Variants in CEP57 observed in about 807,000 individuals in gnomAD.
CEP57 encodes the protein centrosomal protein of 57 kDa.
A neutral mutation model predicts 68.0 loss-of-function variants in CEP57; 40 were observed. That is an observed-to-expected ratio of 0.59 (90% CI 0.46 to 0.77). The LOEUF (loss-of-function observed/expected upper bound fraction) is 0.77, where lower values mean the gene tolerates loss of function less well. Among genes scored for constraint, CEP57 ranks in the 30% least tolerant of loss-of-function variants. The pLI is 0.00. For missense variants in CEP57, 606 were observed against 580.7 expected (o/e 1.04, Z -0.45); for synonymous variants, 219 against 198.7 (o/e 1.10, Z -0.86).
chr11:95,791,335 A>G (rs1861063488), intron 1 of CEP57, among the ~76,000 whole-genome samples: 1 of 152,158 alleles, frequency 6.6e-6, no homozygotes, highest in African/African-American at 2.4e-5. Flanking sequence ...TGGAGAGGCG[A>G]CAGGGGGAAT....
At chr11:95,822,233 C>T (rs2135353476) in intron 7 of CEP57, 1 of 577,268 alleles carries the variant, frequency 1.7e-6, no homozygotes, top group African/African-American at 1.9e-5. Context: ...ATCTTGTGCT[C>T]TTACAATGTT....
intron 4 of CEP57, 37 bp from the exon 5 acceptor site, chr11:95,817,750 G>T (rs1384329731): frequency 7.2e-7 from 1 of 1,394,708 alleles, no homozygotes; most frequent in South Asian, 1.2e-5. Flanking sequence ...TTTTTTGATT[G>T]TCAAATTATC....
At chr11:95,805,837 T>C (rs531232712) in intron 2 of CEP57, among the ~76,000 whole-genome samples, 104 of 152,098 alleles carry the variant, frequency 6.8e-4, no homozygotes, top group Non-Finnish European at 1.4e-3. Flanking sequence ...CTAATATATA[T>C]ATATATGTGT....
intron 2 of CEP57, among the ~76,000 whole-genome samples, chr11:95,810,063 C>G (rs963788729): frequency 6.6e-6 from 1 of 152,070 alleles, no homozygotes; most frequent in African/African-American, 2.4e-5. Context: ...AATCAGTAAA[C>G]GTAATTCATC....
At chr11:95,807,100 G>A (rs754130724) in intron 2 of CEP57, among the ~76,000 whole-genome samples, 1 of 152,152 alleles carries the variant, frequency 6.6e-6, no homozygotes, top group Non-Finnish European at 1.5e-5. Flanking sequence ...TGATACCCAG[G>A]CAAACGGTCT....
intron 2 of CEP57, among the ~76,000 whole-genome samples, chr11:95,802,254 GA>G (rs1458208015): frequency 6.7e-5 from 10 of 149,882 alleles, no homozygotes; most frequent in South Asian, 4.3e-4. Context: ...AACGTGACAT[GA>G]TTTTTTTTTT....
intron 5 of CEP57, 84 bp from the exon 6 acceptor site, chr11:95,818,743 T>A (rs1193464331): frequency 1.9e-6 from 2 of 1,044,708 alleles, no homozygotes; most frequent in Admixed American, 3.5e-5. Context: ...GGATAAAATT[T>A]ACATGTTCCA....
intron 1 of CEP57, among the ~76,000 whole-genome samples, chr11:95,795,769 A>T (rs866478474): frequency 6.6e-6 from 1 of 152,252 alleles, no homozygotes; most frequent in East Asian, 1.9e-4. Context: ...TGTTGCATTG[A>T]TTGCACTGCT....
At chr11:95,811,593 AAC>A (rs1300337256) in intron 2 of CEP57, among the ~76,000 whole-genome samples, 3 of 152,064 alleles carry the variant, frequency 2.0e-5, no homozygotes, top group African/African-American at 7.2e-5. Flanking sequence ...AAAAAAAAAA[AAC>A]GTGATGGGAA....
intron 5 of CEP57, 178 bp downstream of exon 5, chr11:95,818,081 G>A: frequency 1.7e-6 from 1 of 580,720 alleles, no homozygotes; most frequent in South Asian, 2.0e-5. Flanking sequence ...TACAATCTTG[G>A]TGGGCATTTT....
chr11:95,790,457 T>G, upstream of CEP57: 2 of 587,834 alleles, frequency 3.4e-6, no homozygotes, highest in Non-Finnish European at 6.1e-6. Context: ...ACGTCTGCTG[T>G]TTTGATTGGC....
chr11:95,802,242 T>C (rs1565313864), intron 2 of CEP57, among the ~76,000 whole-genome samples: 1 of 151,326 alleles, frequency 6.6e-6, no homozygotes, highest in Non-Finnish European at 1.5e-5. Context: ...GAAAGGTTTA[T>C]AAACGTGACA....
intron 1 of CEP57, among the ~76,000 whole-genome samples, chr11:95,791,614 T>C (rs556707547): frequency 6.6e-6 from 1 of 152,264 alleles, no homozygotes; most frequent in South Asian, 2.1e-4. Flanking sequence ...ACGTAATTAG[T>C]GATTACTGCG....
At chr11:95,812,653 T>A (rs1019101305) in intron 2 of CEP57, among the ~76,000 whole-genome samples, 7 of 152,124 alleles carry the variant, frequency 4.6e-5, no homozygotes, top group African/African-American at 1.7e-4. Context: ...TGTGTTAGGC[T>A]GGTCTCGAAC....
At chr11:95,813,150 G>T in intron 3 of CEP57, 39 bp downstream of exon 3, 3 of 1,570,730 alleles carry the variant, frequency 1.9e-6, no homozygotes, top group Non-Finnish European at 2.6e-6. Context: ...ATCAAAATAA[G>T]TGTTGTGCAG....
At chr11:95,822,171 C>T (rs1345016323) in intron 7 of CEP57, 193 bp downstream of exon 7, 1 of 606,200 alleles carries the variant, frequency 1.6e-6, no homozygotes, top group African/African-American at 1.9e-5. Flanking sequence ...AATATATAAG[C>T]ATTTTGGAAC....
chr11:95,792,551 T>C lies in CEP57; in HGVS notation c.45+1808T>C, dbSNP rs561113789. Among the ~76,000 whole-genome samples, 3 of 152,358 alleles carry C rather than the reference T, an allele frequency of 2.0e-5. No individual in the cohort carries two copies. In the South Asian group the frequency reaches 6.2e-4, roughly 32 times the overall value. Reference sequence around the variant, plus strand: ...AGGACACCTAGGTGAGCATTGGCACTGGGATATAGTCAGCTGTTAATACTT... The same window carrying C: ...AGGACACCTAGGTGAGCATTGGCACCGGGATATAGTCAGCTGTTAATACTT... On this transcript the variant is annotated intron_variant, in intron 1 of 10. Transcript: ENST00000325542.
chr11:95,832,482 G>A lies in CEP57; in HGVS notation c.*1226G>A, dbSNP rs1284580537. The stretch of plus-strand genomic sequence containing the variant: ...TATTATTTGTGACTCTCCTGAAATT[G>A]TAAACTTGTGCTTCTGTGTCCAGTT... On this transcript the variant is annotated 3_prime_UTR_variant, in exon 11 of 11. Transcript: ENST00000325542. 1 of 152,122 alleles carries A rather than the reference G, an allele frequency of 6.6e-6. No individual in the cohort carries two copies. The highest frequency in any genetic ancestry group is 2.4e-5 in the African/African-American group (1 of 41,432). 9.4% of individuals were successfully genotyped at this position (152,122 alleles called of 1,614,324 possible). A position where few individuals can be genotyped will look rare whatever the true frequency, so the allele number is the denominator to read the frequency against.
rs866423336 is a variant in CEP57, at chr11:95,801,332, G to T, written c.202+1944G>T. On this transcript the variant is annotated intron_variant, in intron 2 of 10. Transcript: ENST00000325542. ...TAAGATACTGTGTCTCGATGATAAC[G>T]AAAATTTTTAATTAATGGTTAAAGC... Among the ~76,000 whole-genome samples, 39 of 150,218 alleles carry T rather than the reference G, an allele frequency of 2.6e-4. 1 individual carries two copies. The highest frequency in any genetic ancestry group is 3.5e-3 in the Middle Eastern group (1 of 286).
Sources: gnomAD v4.1 joint callset for allele counts (sites outside exome capture counted in the v4.1 genomes callset) on GRCh38, gnomAD v4.1.1 for gene constraint, MANE v1.5 for transcripts, NCBI Gene and HGNC (gene_info 2026-07-23, HGNC 2026-07-21) for gene names.